Variants in CDH3 observed in about 807,000 individuals in gnomAD.
CDH3 encodes cadherin 3, also known as cadherin-3.
Under a neutral mutation model 82.0 loss-of-function variants are expected in CDH3, and 54 were observed. That is an observed-to-expected ratio of 0.66 (90% confidence interval 0.53 to 0.83). CDH3 has a LOEUF of 0.83. Ranked by LOEUF, CDH3 falls within the 40% of genes least tolerant of loss-of-function variation. CDH3 has a pLI of 0.00. For missense variants in CDH3, 1,054 were observed against 1,084.6 expected, an observed-to-expected ratio of 0.97 and a Z score of 0.40; for synonymous variants, 446 against 437.9, an observed-to-expected ratio of 1.02 and a Z score of -0.23.
chr16:68,647,111 C>T (rs1960095820), intron 2 of CDH3, among the ~76,000 whole-genome samples: 1 of 152,124 alleles, frequency 6.6e-6, no homozygotes, highest in Non-Finnish European at 1.5e-5. Flanking sequence ...ACTTTAAATT[C>T]TTGCGCAGGG....
rs1259096619 is a variant in CDH3 at position 68,679,971 on chromosome 16, G to A, written c.864G>A (p.Arg288=). Residue 288 remains arginine (R), a synonymous_variant, in exon 7 of 16, where the codon CGG becomes CGA. Transcript: ENST00000264012. ...TISVISSGLD[R]EKVPEYTLTI... is the part of the protein sequence containing the mutation. The stretch of plus-strand genomic sequence containing the variant: ...GCGTCATCTCCAGTGGCCTGGACCG[G>A]GAAGTGAGTGGCCCTTAGGGAAAGT... The A allele has an allele frequency of 6.2e-7, 1 of 1,613,972 alleles. No individual in the cohort carries two copies. The highest frequency in any genetic ancestry group is 2.2e-5 in the East Asian group (1 of 44,878).
intron 12 of CDH3, among the ~76,000 whole-genome samples, chr16:68,690,034 T>A (rs115700076): frequency 4.6e-5 from 7 of 152,154 alleles, no homozygotes; most frequent in Non-Finnish European, 1.0e-4. Context: ...GCCACTGATA[T>A]TATGTTCGTC....
chr16:68,645,579 G>A lies in CDH3; in HGVS notation c.46-57G>A, dbSNP rs1435511058. The A allele has an allele frequency of 2.0e-6, 3 of 1,476,222 alleles. No homozygotes were observed. The Admixed American group carries it at 5.9e-5, about 29-fold the overall frequency. 91.4% of individuals were successfully genotyped at this position (1,476,222 alleles called of 1,614,324 possible). A position where few individuals can be genotyped will look rare whatever the true frequency, so the allele number is the denominator to read the frequency against. The stretch of plus-strand genomic sequence containing the variant: ...CCGTGAGGACCCTGCGGTGTGGGGA[G>A]TGCAGGGCCGGGCACGCCTGGACCC... On this transcript the variant is annotated intron_variant, in intron 1 of 15. Coordinates refer to ENST00000264012, the MANE Select transcript of CDH3 (RefSeq NM_001793.6).
At chr16:68,669,672 G>C (rs956166764) in intron 2 of CDH3, among the ~76,000 whole-genome samples, 12 of 152,104 alleles carry the variant, frequency 7.9e-5, no homozygotes, top group African/African-American at 2.9e-4. Flanking sequence ...CTTCTGAGTA[G>C]TAGGGGAGTC....
chr16:68,713,122 G>T (rs1297028600), intron 1 of CDH3, among the ~76,000 whole-genome samples: 1 of 151,958 alleles, frequency 6.6e-6, no homozygotes, highest in African/African-American at 2.4e-5. Flanking sequence ...ATGAAGTCAA[G>T]ATTGTTTTTG....
intron 2 of CDH3, among the ~76,000 whole-genome samples, chr16:68,649,121 TTAAG>T (rs1249632808): frequency 6.6e-6 from 1 of 152,086 alleles, no homozygotes; most frequent in Non-Finnish European, 1.5e-5. Flanking sequence ...AGTGCAGTGA[TTAAG>T]TGAGTGACCT....
At chr16:68,679,694 CAAAAAAAAA>C (rs66540234) in intron 6 of CDH3, 96 bp from the exon 7 acceptor site, 179 of 361,710 alleles carry the variant, frequency 4.9e-4, no homozygotes, top group Non-Finnish European at 6.1e-4. Flanking sequence ...GACTTCATCT[CAAAAAAAAA>C]AAAAAAAAAA....
intron 3 of CDH3, among the ~76,000 whole-genome samples, chr16:68,676,949 T>C (rs140582226): frequency 2.5e-3 from 379 of 152,276 alleles, no homozygotes; most frequent in Middle Eastern, 6.8e-3. Flanking sequence ...ATACAATAAA[T>C]AATCTCCCCT....
intron 2 of CDH3, among the ~76,000 whole-genome samples, chr16:68,653,691 CT>C (rs1249416453): frequency 1.3e-3 from 181 of 136,926 alleles, no homozygotes; most frequent in Middle Eastern, 3.9e-3. Flanking sequence ...TCTTTTCTTT[CT>C]TTTTTTTTTT....
chr16:68,733,610 CGT>C, the CDH3 span, among the ~76,000 whole-genome samples: 2 of 152,164 alleles, frequency 1.3e-5, no homozygotes, highest in African/African-American at 2.4e-5. Context: ...GACATGGTGA[CGT>C]GTGTCTGTAA....
intron 2 of CDH3, among the ~76,000 whole-genome samples, chr16:68,671,926 C>CA (rs1960892940): frequency 6.6e-6 from 1 of 152,062 alleles, no homozygotes; most frequent in African/African-American, 2.4e-5. Context: ...TTTGGAGGGA[C>CA]ACAACTCGTG....
At chr16:68,665,837 A>G (rs1253717808) in intron 2 of CDH3, among the ~76,000 whole-genome samples, 1 of 152,162 alleles carries the variant, frequency 6.6e-6, no homozygotes, top group Non-Finnish European at 1.5e-5. Context: ...AGCTTTCGTC[A>G]GCCAAAACTC....
chr16:68,651,344 T>TCGAG, intron 2 of CDH3: 1 of 553,652 alleles, frequency 1.8e-6, no homozygotes, highest in African/African-American at 1.9e-5. Context: ...AGGCTGATGG[T>TCGAG]CGAGTGGTCC....
chr16:68,645,752 T>C lies in CDH3; in HGVS notation c.160+2T>C. 6.5e-7 allele frequency: 1 copy of C among 1,541,662 alleles called. No individual in the cohort carries two copies. Among genetic ancestry groups the C allele is most frequent in the Non-Finnish European group, 8.7e-7 (1 of 1,144,832 alleles). ...AGCCCGGCCAGGCGCTGGGGAAAGG[T>C]AAGATCCTCAGGGTGGAACCGCAGG... On this transcript the variant is annotated splice_donor_variant, in intron 2 of 15. Transcript: ENST00000264012. LOFTEE classifies it high-confidence loss of function.
rs71148939 is a variant in CDH3, at chr16:68,719,502, CTTTTTT to C, written c.100-2905_100-2900del. 3.5e-4 allele frequency among the ~76,000 whole-genome samples: 26 copies of C among 74,506 alleles called. No homozygotes were observed. The East Asian group carries it at 9.9e-3, about 28-fold the overall frequency. The allele number at this position is 74,506 out of a possible 152,430, so 48.9% of individuals were successfully genotyped here. On this transcript the variant is annotated intron_variant, in intron 1 of 2. Coordinates refer to the CDH3 transcript ENST00000569080. ...GATTTTTTGGCATGATGGAACTGTTCTTTTTTTTTTTTTTTTTTTTTTTGAGAGGGA... is the reference window on the plus strand; with the variant it reads ...GATTTTTTGGCATGATGGAACTGTTCTTTTTTTTTTTTTTTTTGAGAGGGA...
intron 11 of CDH3, 94 bp downstream of exon 11, chr16:68,685,444 T>C (rs758196766): frequency 6.5e-6 from 9 of 1,393,054 alleles, no homozygotes; most frequent in Non-Finnish European, 9.1e-6. Context: ...GGTGGGAACA[T>C]GTGTCGAGGA....
intron 2 of CDH3, among the ~76,000 whole-genome samples, chr16:68,675,826 G>C (rs1841983899): frequency 6.6e-6 from 1 of 151,928 alleles, no homozygotes; most frequent in African/African-American, 2.4e-5. Context: ...AAAAAAGTGG[G>C]GGATAATACC....
At chr16:68,685,772 A>G (rs2152103070) in intron 11 of CDH3, among the ~76,000 whole-genome samples, 1 of 152,302 alleles carries the variant, frequency 6.6e-6, no homozygotes, top group African/African-American at 2.4e-5. Context: ...GTGCCACTGC[A>G]CTCCACCCTG....
At chr16:68,684,081 A>AAG (rs1961322772) in intron 9 of CDH3, among the ~76,000 whole-genome samples, 1 of 151,200 alleles carries the variant, frequency 6.6e-6, no homozygotes, top group Non-Finnish European at 1.5e-5. Flanking sequence ...AAAAAAAAAA[A>AAG]AAAGCTGGGT....
Sources: gnomAD v4.1 joint callset for allele counts (sites outside exome capture counted in the v4.1 genomes callset) on GRCh38, gnomAD v4.1.1 for gene constraint, MANE v1.5 for transcripts, NCBI Gene and HGNC (gene_info 2026-07-23, HGNC 2026-07-21) for gene names.